Variants in SLC25A13 observed in about 807,000 individuals in gnomAD.
The protein encoded by SLC25A13 is electrogenic aspartate/glutamate antiporter SLC25A13, mitochondrial.
SLC25A13 carries 70 observed loss-of-function variants against 85.5 expected under a neutral mutation model. That is an observed-to-expected ratio of 0.82 (90% CI 0.68 to 1.00). The LOEUF is 1.00. Ranked by LOEUF, SLC25A13 falls within the 50% of genes least tolerant of loss-of-function variation. SLC25A13 has a pLI of 0.00. For missense variants in SLC25A13, 765 were observed against 819.8 expected (o/e 0.93, Z 0.82); for synonymous variants, 259 against 288.7 (o/e 0.90, Z 1.04).
chr7:96,164,289 C>A (rs949202649), intron 13 of SLC25A13, among the ~76,000 whole-genome samples: 4 of 152,144 alleles, frequency 2.6e-5, no homozygotes, highest in African/African-American at 4.8e-5. Context: ...AGAACCTGTT[C>A]CCCCAGCCAT....
At chr7:96,236,347 G>A (rs976940335) in intron 3 of SLC25A13, among the ~76,000 whole-genome samples, 9 of 151,350 alleles carry the variant, frequency 5.9e-5, no homozygotes, top group African/African-American at 2.2e-4. Flanking sequence ...GGGCAAATAT[G>A]AGTCAAGCAT....
At chr7:96,256,633 C>T (rs1211166777) in intron 3 of SLC25A13, among the ~76,000 whole-genome samples, 10 of 152,096 alleles carry the variant, frequency 6.6e-5, no homozygotes, top group African/African-American at 2.4e-5. Context: ...GACTTTAACA[C>T]CCCACTGTCC....
intron 15 of SLC25A13, among the ~76,000 whole-genome samples, chr7:96,126,653 T>A (rs1054637009): frequency 3.3e-5 from 5 of 152,334 alleles, no homozygotes; most frequent in African/African-American, 1.2e-4. Flanking sequence ...TTTCTCCTGC[T>A]GTGTTTTGGA....
intron 8 of SLC25A13, 34 bp from the exon 9 acceptor site, chr7:96,189,412 T>C (rs1190841796): frequency 6.3e-7 from 1 of 1,582,844 alleles, no homozygotes; most frequent in Non-Finnish European, 8.7e-7. Flanking sequence ...GCAACAAATA[T>C]ACCAATTTAT....
At chr7:96,155,913 T>C (rs1793244464) in intron 13 of SLC25A13, among the ~76,000 whole-genome samples, 1 of 152,252 alleles carries the variant, frequency 6.6e-6, no homozygotes, top group Non-Finnish European at 1.5e-5. Context: ...AGTAAAAGAA[T>C]GTGAACGCGA....
chr7:96,262,738 C>A (rs2116899469), intron 3 of SLC25A13, among the ~76,000 whole-genome samples: 1 of 152,286 alleles, frequency 6.6e-6, no homozygotes, highest in Admixed American at 6.5e-5. Context: ...TTTAAATATT[C>A]TTCTCTATGC....
At chr7:96,321,085 T>C (rs1800320464) in intron 1 of SLC25A13, among the ~76,000 whole-genome samples, 1 of 152,236 alleles carries the variant, frequency 6.6e-6, no homozygotes, top group Non-Finnish European at 1.5e-5. Flanking sequence ...AAATATGGTA[T>C]TCTGCCAGAG....
chr7:96,313,852 T>C, intron 1 of SLC25A13, among the ~76,000 whole-genome samples: 1 of 152,190 alleles, frequency 6.6e-6, no homozygotes, highest in Non-Finnish European at 1.5e-5. Context: ...GATTTCTAGA[T>C]TTTTGCTAAA....
chr7:96,128,313 G>A (rs1238857915), intron 15 of SLC25A13, among the ~76,000 whole-genome samples: 2 of 151,794 alleles, frequency 1.3e-5, no homozygotes, highest in Non-Finnish European at 2.9e-5. Flanking sequence ...ATGCTGACTG[G>A]AACCTCCAAA....
chr7:96,157,106 G>A (rs969022774), intron 13 of SLC25A13, among the ~76,000 whole-genome samples: 1 of 152,158 alleles, frequency 6.6e-6, no homozygotes, highest in African/African-American at 2.4e-5. Context: ...AGTGCTGAGA[G>A]CAACCAGAAA....
chr7:96,223,552 C>T (rs1027360275), intron 4 of SLC25A13, among the ~76,000 whole-genome samples: 9 of 152,262 alleles, frequency 5.9e-5, no homozygotes, highest in African/African-American at 2.2e-4. Context: ...CTTTGGGAGG[C>T]CGAGGCGGGT....
chr7:96,230,177 T>C (rs1053544219), intron 4 of SLC25A13, among the ~76,000 whole-genome samples: 10 of 152,178 alleles, frequency 6.6e-5, no homozygotes, highest in South Asian at 4.1e-4. Context: ...AAAAAATACA[T>C]GCGACATGGA....
intron 5 of SLC25A13, among the ~76,000 whole-genome samples, chr7:96,202,149 C>T (rs1795280615): frequency 6.6e-6 from 1 of 152,210 alleles, no homozygotes; most frequent in African/African-American, 2.4e-5. Context: ...AGTTGCATTA[C>T]TAGCATGGGT....
At position 96,252,249 on chromosome 7, in the gene SLC25A13, G is replaced by T. The variant is rs985045379; in HGVS notation, c.213-17332C>A. On this transcript the variant is annotated intron_variant, in intron 3 of 17. Coordinates refer to ENST00000265631, the MANE Select transcript of SLC25A13 (RefSeq NM_014251.3). ...TCACCTTTCCAAGAAATTGGGCAGA[G>T]GGAGTACTGACGATACATATACTGA... is the stretch of plus-strand genomic sequence containing the variant. 2.4e-4 allele frequency among the ~76,000 whole-genome samples: 36 copies of T among 152,288 alleles called. No homozygotes were observed. The East Asian group carries it at 5.0e-3, about 21-fold the overall frequency.
chr7:96,192,825 C>T lies in SLC25A13; in HGVS notation c.615+212G>A, dbSNP rs539249371. Among the ~76,000 whole-genome samples, 20 of 151,900 alleles carry T rather than the reference C, an allele frequency of 1.3e-4. No individual in the cohort carries two copies. In the East Asian group the frequency reaches 3.7e-3, roughly 28 times the overall value. On this transcript the variant is annotated intron_variant, in intron 6 of 17. Transcript: ENST00000265631. ...ATCTTTAAAAAGCTAATGTATTTCT[C>T]GAAGATATTCCGTATTACCCAGACA...
At chr7:96,299,551 A>G (rs1266326489) in intron 1 of SLC25A13, among the ~76,000 whole-genome samples, 3 of 152,228 alleles carry the variant, frequency 2.0e-5, no homozygotes, top group Admixed American at 6.5e-5. Context: ...TGACATTTCT[A>G]AATGTTTTCT....
At chr7:96,300,726 C>G (rs1467513448) in intron 1 of SLC25A13, among the ~76,000 whole-genome samples, 4 of 152,130 alleles carry the variant, frequency 2.6e-5, no homozygotes, top group African/African-American at 9.7e-5. Flanking sequence ...TAATGATCAC[C>G]ACAAGATTTC....
chr7:96,292,431 G>A (rs1421419516), intron 2 of SLC25A13, among the ~76,000 whole-genome samples: 2 of 152,132 alleles, frequency 1.3e-5, no homozygotes, highest in Non-Finnish European at 2.9e-5. Flanking sequence ...CCTGGCCAGG[G>A]CAATCAGGCA....
Position 96,322,018 on chromosome 7 carries a change from C to A in SLC25A13, c.-62G>T. The A allele has an allele frequency of 6.5e-7, 1 of 1,529,792 alleles. No homozygotes were observed. Among genetic ancestry groups the A allele is most frequent in the Non-Finnish European group, 8.8e-7 (1 of 1,138,594 alleles). The allele number at this position is 1,529,792 out of a possible 1,614,324, so 94.8% of individuals were successfully genotyped here. ...GACTGGCTGGCTGGCGTTTGGGACC[C>A]GGGCGGCTCACTTCTAGTCCCGGCG... On this transcript the variant is annotated 5_prime_UTR_variant, in exon 1 of 18. Coordinates refer to ENST00000265631, the MANE Select transcript of SLC25A13 (RefSeq NM_014251.3).
Sources: gnomAD v4.1 joint callset for allele counts (sites outside exome capture counted in the v4.1 genomes callset) on GRCh38, gnomAD v4.1.1 for gene constraint, MANE v1.5 for transcripts, NCBI Gene and HGNC (gene_info 2026-07-23, HGNC 2026-07-21) for gene names.